Variants in MAGI3 observed in about 807,000 individuals in gnomAD.
MAGI3 encodes membrane-associated guanylate kinase, WW and PDZ domain-containing protein 3.
Under a neutral mutation model 121.8 loss-of-function variants are expected in MAGI3, and 43 were observed. That is an observed-to-expected ratio of 0.35 (90% confidence interval 0.28 to 0.46). The LOEUF (loss-of-function observed/expected upper bound fraction) is 0.46, where lower values mean the gene tolerates loss of function less well. Among genes scored for constraint, MAGI3 ranks in the 20% least tolerant of loss-of-function variants. MAGI3 has a pLI of 1.00. For missense variants in MAGI3, 1,547 were observed against 1,797.3 expected (o/e 0.86, Z 2.52); for synonymous variants, 553 against 639.3 (o/e 0.86, Z 2.04).
chr1:113,629,729 C>CCTCTCTCTCTCT (rs374062732), intron 9 of MAGI3, among the ~76,000 whole-genome samples: 1 of 111,930 alleles, frequency 8.9e-6, no homozygotes, highest in Non-Finnish European at 1.8e-5. Context: ...AGTCAGTCTC[C>CCTCTCTCTCTCT]CTCTCTCTCT....
chr1:113,556,558 T>TG (rs1182833637), intron 2 of MAGI3, among the ~76,000 whole-genome samples: 2 of 149,216 alleles, frequency 1.3e-5, no homozygotes, highest in Non-Finnish European at 3.0e-5. Flanking sequence ...AAAGATTTTT[T>TG]TTTTTTTTTT....
intron 1 of MAGI3, among the ~76,000 whole-genome samples, chr1:113,512,731 T>G (rs959613082): frequency 6.6e-6 from 1 of 152,162 alleles, no homozygotes; most frequent in Non-Finnish European, 1.5e-5. Context: ...AGGGGTGCCC[T>G]CTCTCACCAC....
At chr1:113,485,032 C>T (rs1203148631) in intron 1 of MAGI3, among the ~76,000 whole-genome samples, 2 of 151,884 alleles carry the variant, frequency 1.3e-5, no homozygotes, top group Non-Finnish European at 2.9e-5. Context: ...ACGCCTAACC[C>T]ATATATACCA....
chr1:113,554,112 G>C (rs1557820063), intron 2 of MAGI3, among the ~76,000 whole-genome samples: 1 of 152,130 alleles, frequency 6.6e-6, no homozygotes, highest in Non-Finnish European at 1.5e-5. Context: ...CCTGCAAAAA[G>C]CAGGAAAATG....
At position 113,594,657 on chromosome 1, in the gene MAGI3, C is replaced by T. The variant is rs1456419629; in HGVS notation, c.1018+97C>T. 4 of 935,370 alleles carry T rather than the reference C, an allele frequency of 4.3e-6. No homozygotes were observed. In the East Asian group the frequency reaches 1.1e-4, roughly 25 times the overall value. The allele number at this position is 935,370 out of a possible 1,614,324, so 57.9% of individuals were successfully genotyped here. The stretch of plus-strand genomic sequence containing the variant: ...GGGTTTTTCAAAACCCTAAACAAAC[C>T]ATAATGTACACAAGCAAAAAAGCAG... On this transcript the variant is annotated intron_variant, in intron 6 of 20. Transcript: ENST00000307546.
At chr1:113,512,431 A>T (rs1323371710) in intron 1 of MAGI3, among the ~76,000 whole-genome samples, 3 of 152,172 alleles carry the variant, frequency 2.0e-5, no homozygotes, top group Non-Finnish European at 2.9e-5. Flanking sequence ...TCACTACAAA[A>T]CCATCTACAG....
chr1:113,668,833 C>T (rs1365475705), intron 16 of MAGI3, among the ~76,000 whole-genome samples: 2 of 152,032 alleles, frequency 1.3e-5, no homozygotes, highest in African/African-American at 2.4e-5. Context: ...CCACCCGCCT[C>T]AGCCTCCCAA....
intron 1 of MAGI3, among the ~76,000 whole-genome samples, chr1:113,449,160 A>G (rs1557762995): frequency 6.6e-6 from 1 of 152,152 alleles, no homozygotes; most frequent in Non-Finnish European, 1.5e-5. Flanking sequence ...AGGGGGCAAT[A>G]ATGTGATATG....
chr1:113,529,459 A>G (rs1658606133), intron 1 of MAGI3, among the ~76,000 whole-genome samples: 1 of 152,100 alleles, frequency 6.6e-6, no homozygotes, highest in African/African-American at 2.4e-5. Context: ...CTTTTATTGG[A>G]CGCTGTTCCC....
At chr1:113,666,254 T>C (rs923434435) in intron 16 of MAGI3, among the ~76,000 whole-genome samples, 1 of 152,226 alleles carries the variant, frequency 6.6e-6, no homozygotes, top group African/African-American at 2.4e-5. Flanking sequence ...CAAAGATCTC[T>C]CTGTAGCATG....
At chr1:113,394,822 A>G (rs1192041006) in intron 1 of MAGI3, among the ~76,000 whole-genome samples, 1 of 152,156 alleles carries the variant, frequency 6.6e-6, no homozygotes, top group Non-Finnish European at 1.5e-5. Context: ...AGGGATGGAA[A>G]TCATAGGAAA....
At chr1:113,627,998 AG>A (rs967339744) in intron 9 of MAGI3, among the ~76,000 whole-genome samples, 1 of 151,854 alleles carries the variant, frequency 6.6e-6, no homozygotes, top group African/African-American at 2.4e-5. Context: ...TTTTGATTGG[AG>A]AGTTTAGTCC....
intron 2 of MAGI3, among the ~76,000 whole-genome samples, chr1:113,553,868 G>A (rs972452383): frequency 4.6e-5 from 7 of 152,160 alleles, no homozygotes; most frequent in Non-Finnish European, 8.8e-5. Context: ...AATTAGCTGG[G>A]CGTGGTGGCG....
intron 1 of MAGI3, among the ~76,000 whole-genome samples, chr1:113,526,841 T>C (rs1570802567): frequency 6.6e-6 from 1 of 152,114 alleles, no homozygotes; most frequent in East Asian, 1.9e-4. Flanking sequence ...TATTTGGTGA[T>C]TGAAGAAGAG....
chr1:113,644,232 C>G (rs1230830214), intron 11 of MAGI3, among the ~76,000 whole-genome samples: 1 of 152,094 alleles, frequency 6.6e-6, no homozygotes, highest in East Asian at 1.9e-4. Context: ...AGATAATCTT[C>G]TTACTTTTAA....
intron 1 of MAGI3, among the ~76,000 whole-genome samples, chr1:113,474,156 G>T (rs958949918): frequency 4.6e-5 from 7 of 152,218 alleles, no homozygotes; most frequent in African/African-American, 1.7e-4. Flanking sequence ...GTAGATTCTG[G>T]ATATTAGCCA....
intron 1 of MAGI3, among the ~76,000 whole-genome samples, chr1:113,493,604 G>A (rs568455252): frequency 1.3e-5 from 2 of 152,140 alleles, no homozygotes; most frequent in Non-Finnish European, 2.9e-5. Context: ...CTACAGAGTG[G>A]CAGAAAATAT....
chr1:113,674,899 A>G (rs1571035427), intron 19 of MAGI3, among the ~76,000 whole-genome samples: 1 of 152,248 alleles, frequency 6.6e-6, no homozygotes, highest in Non-Finnish European at 1.5e-5. Flanking sequence ...TGACAGGTGC[A>G]TAGGATTTCA....
intron 2 of MAGI3, among the ~76,000 whole-genome samples, chr1:113,571,715 A>G (rs1486894299): frequency 6.6e-6 from 1 of 152,102 alleles, no homozygotes; most frequent in Non-Finnish European, 1.5e-5. Context: ...GTGTATAGGA[A>G]TGCTTGTGAT....
Sources: allele counts gnomAD v4.1 joint callset (sites outside exome capture counted in the v4.1 genomes callset), GRCh38; gene constraint gnomAD v4.1.1; transcripts MANE v1.5; gene names NCBI Gene and HGNC (gene_info 2026-07-23, HGNC 2026-07-21).